LAMB1: variants seen among roughly 807,000 people sequenced by gnomAD.
LAMB1 encodes the protein laminin subunit beta-1.
A neutral mutation model predicts 222.3 loss-of-function variants in LAMB1; 121 were observed. The ratio of observed to expected loss-of-function variants is 0.54; its 90% CI spans 0.47 to 0.63. The LOEUF is 0.63. Ranked by LOEUF, LAMB1 falls within the 30% of genes least tolerant of loss-of-function variation. LAMB1 has a pLI of 0.00. For missense variants in LAMB1, 2,172 were observed against 2,240.8 expected, an observed-to-expected ratio of 0.97 and a Z score of 0.62; for synonymous variants, 794 against 807.2, an observed-to-expected ratio of 0.98 and a Z score of 0.28.
At chr7:107,991,374 G>A (rs1456117598) in intron 5 of LAMB1, among the ~76,000 whole-genome samples, 3 of 152,106 alleles carry the variant, frequency 2.0e-5, no homozygotes, top group Non-Finnish European at 4.4e-5. Context: ...GATCACTTGA[G>A]GTCAGGAGTT....
chr7:107,952,599 G>T (rs1009631468), intron 22 of LAMB1, among the ~76,000 whole-genome samples: 2 of 152,190 alleles, frequency 1.3e-5, no homozygotes, highest in African/African-American at 4.8e-5. Context: ...GAGAACAGCC[G>T]TAATAAACGT....
intron 28 of LAMB1, 91 bp from the exon 29 acceptor site, chr7:107,931,591 A>G: frequency 8.3e-7 from 1 of 1,210,940 alleles, no homozygotes; most frequent in African/African-American, 1.5e-5. Flanking sequence ...TGATGTTGAA[A>G]AACTATGTAC....
chr7:107,963,678 A>G (rs1471138069), intron 14 of LAMB1, among the ~76,000 whole-genome samples: 1 of 152,248 alleles, frequency 6.6e-6, no homozygotes, highest in Non-Finnish European at 1.5e-5. Context: ...AAACTATGTT[A>G]TCCTTTCCAT....
At chr7:107,938,572 G>A (rs1317675223) in intron 25 of LAMB1, among the ~76,000 whole-genome samples, 3 of 152,052 alleles carry the variant, frequency 2.0e-5, no homozygotes, top group African/African-American at 7.2e-5. Context: ...GAATAGTGAC[G>A]GTAGAAACAG....
intron 5 of LAMB1, among the ~76,000 whole-genome samples, chr7:107,992,122 T>G (rs531593001): frequency 6.6e-6 from 1 of 152,134 alleles, no homozygotes; most frequent in Non-Finnish European, 1.5e-5. Context: ...CCACCACCAG[T>G]GCCTTGCTCT....
chr7:107,931,387 A>C lies in LAMB1; in HGVS notation c.4506T>G (p.Asn1502Lys). 6.2e-7 allele frequency: 1 copy of C among 1,613,320 alleles called. No homozygotes were observed. Among genetic ancestry groups the C allele is most frequent in the Non-Finnish European group, 8.5e-7 (1 of 1,179,396 alleles). The change falls in exon 29 of 34, where the codon AAT (asparagine) becomes AAG (lysine). Residue 1502 changes from asparagine (N) to lysine (K), a missense_variant. Transcript: ENST00000222399. ...AAAAGTTTCTGATTTGCTTGATTAG[A>C]TTTCTCAGCTCCTCATTGCTCTTGT... is the stretch of plus-strand genomic sequence containing the variant. Reference protein sequence around the residue: ...KMDKSNEELRNLIKQIRNFLT... With the variant: ...KMDKSNEELRKLIKQIRNFLT...
chr7:107,980,293 T>A (rs1228458578), intron 8 of LAMB1, among the ~76,000 whole-genome samples: 2 of 152,212 alleles, frequency 1.3e-5, no homozygotes, highest in African/African-American at 4.8e-5. Flanking sequence ...CTTCCCTATG[T>A]AAAGGCAGAC....
rs2032486984 is a variant in LAMB1 at position 107,923,809 on chromosome 7, A to T, written c.*142T>A. On this transcript the variant is annotated 3_prime_UTR_variant, in exon 34 of 34. Transcript: ENST00000222399. ...ACAAGTACACCAAAATATATACAAAAGCACTGTACTTTATTTAACTCCATA... is the reference window on the plus strand; with the variant it reads ...ACAAGTACACCAAAATATATACAAATGCACTGTACTTTATTTAACTCCATA... 1.4e-6 allele frequency: 1 copy of T among 723,018 alleles called. No homozygotes were observed. Among genetic ancestry groups the T allele is most frequent in the Non-Finnish European group, 2.2e-6 (1 of 462,720 alleles). The allele number at this position is 723,018 out of a possible 1,614,324, so 44.8% of individuals were successfully genotyped here.
chr7:107,987,274 A>C (rs1040177533), intron 5 of LAMB1, among the ~76,000 whole-genome samples: 2 of 152,206 alleles, frequency 1.3e-5, no homozygotes, highest in African/African-American at 4.8e-5. Flanking sequence ...CACAAAGTTG[A>C]TTAGCAGTTA....
At position 107,984,352 on chromosome 7, in the gene LAMB1, G is replaced by A. The variant is rs183568958; in HGVS notation, c.676+1670C>T. On this transcript the variant is annotated intron_variant, in intron 7 of 33. Coordinates refer to ENST00000222399, the MANE Select transcript of LAMB1 (RefSeq NM_002291.3). The stretch of plus-strand genomic sequence containing the variant: ...CAACCTCCACCTCCTGGGTTCAAGC[G>A]ATTCTCCTGCCTCAGCCTCCTGAGT... 4.8e-3 allele frequency among the ~76,000 whole-genome samples: 733 copies of A among 152,232 alleles called. 5 individuals are homozygous for A. The highest frequency in any genetic ancestry group is 8.1e-3 in the Non-Finnish European group (554 of 68,004).
chr7:107,937,019 A>C, intron 26 of LAMB1, 74 bp downstream of exon 26: 1 of 1,238,754 alleles, frequency 8.1e-7, no homozygotes, highest in African/African-American at 1.5e-5. Context: ...TTTTTCCCCA[A>C]AAGTGCTATA....
rs1248882783 is a variant in LAMB1, at chr7:108,001,579, G to A, written c.192C>T (p.Tyr64=). The change falls in exon 3 of 34, where the codon TAC becomes TAT. Residue 64 remains tyrosine, a synonymous_variant. Coordinates refer to ENST00000222399, the MANE Select transcript of LAMB1 (RefSeq NM_002291.3). ...TCACCTGCAAGTGGCTGACGATACA[G>A]TAGGGTTCGGGCTTGTGCAGCCCGC... The part of the protein sequence containing the change: ...STCGLHKPEP[Y]CIVSHLQEDK... 6.2e-7 allele frequency: 1 copy of A among 1,610,414 alleles called. No homozygotes were observed. Among genetic ancestry groups the A allele is most frequent in the African/African-American group, 1.3e-5 (1 of 74,898 alleles).
chr7:107,982,008 A>G (rs934979877), intron 7 of LAMB1, among the ~76,000 whole-genome samples: 2 of 152,234 alleles, frequency 1.3e-5, no homozygotes, highest in Non-Finnish European at 2.9e-5. Context: ...TGACATAAGC[A>G]TAAATAAGCT....
intron 4 of LAMB1, among the ~76,000 whole-genome samples, chr7:107,997,458 C>G (rs2034301597): frequency 6.6e-6 from 1 of 152,088 alleles, no homozygotes; most frequent in Non-Finnish European, 1.5e-5. Context: ...CAGTCAATGA[C>G]AAAGAAATCT....
At chr7:107,960,361 G>T in intron 18 of LAMB1, 84 bp downstream of exon 18, 1 of 944,228 alleles carries the variant, frequency 1.1e-6, no homozygotes. Context: ...CAGGGCTAGG[G>T]GGTGGGCACT....
chr7:107,991,211 T>TG (rs1360257075), intron 5 of LAMB1, among the ~76,000 whole-genome samples: 4 of 152,318 alleles, frequency 2.6e-5, no homozygotes, highest in African/African-American at 9.6e-5. Context: ...TAAATGTTAA[T>TG]GTTTTTGCAA....
intron 7 of LAMB1, among the ~76,000 whole-genome samples, chr7:107,981,335 C>G (rs1231810240): frequency 6.6e-6 from 1 of 151,954 alleles, no homozygotes; most frequent in Non-Finnish European, 1.5e-5. Context: ...GTAATCCCAG[C>G]TACTAGGGAG....
intron 23 of LAMB1, among the ~76,000 whole-genome samples, chr7:107,951,787 C>CA (rs2033256769): frequency 6.6e-6 from 1 of 152,192 alleles, no homozygotes; most frequent in African/African-American, 2.4e-5. Context: ...AGTGAGTCTG[C>CA]ATCTGCAGCT....
rs751056091 is a variant in LAMB1, at chr7:108,002,881, C to A, written c.5G>T (p.Gly2Val). The A allele has an allele frequency of 1.1e-5, 17 of 1,613,990 alleles. No individual in the cohort carries two copies. In the East Asian group the frequency reaches 3.8e-4, roughly 36 times the overall value. MGLLQLLAFSFL... is the reference protein window; with the variant it reads MVLLQLLAFSFL... ...ACTGAAAGCTAGCAACTGGAGAAGC[C>A]CCATGCCGGCTCCCTGCAGCCACGG... The change falls in exon 2 of 34, where the codon GGG becomes GTG. Residue 2 changes from glycine (G) to valine (V), a missense_variant. Coordinates refer to ENST00000222399, the MANE Select transcript of LAMB1 (RefSeq NM_002291.3).
Sources: allele counts gnomAD v4.1 joint callset (sites outside exome capture counted in the v4.1 genomes callset), GRCh38; gene constraint gnomAD v4.1.1; transcripts MANE v1.5; gene names NCBI Gene and HGNC (gene_info 2026-07-23, HGNC 2026-07-21).